ASXL3: variants seen among roughly 807,000 people sequenced by gnomAD.
ASXL3 encodes the protein ASXL transcriptional regulator 3, also known as putative Polycomb group protein ASXL3.
A neutral mutation model predicts 170.6 loss-of-function variants in ASXL3; 34 were observed. The observed-to-expected ratio is 0.20, with a 90% CI of 0.15 to 0.27. The LOEUF is 0.27. Among genes scored for constraint, ASXL3 ranks in the 10% least tolerant of loss-of-function variants. The pLI is 1.00. For synonymous variants in ASXL3, 1,002 were observed against 989.1 expected (o/e 1.01, Z -0.24); for missense variants, 2,592 against 2,695.3 (o/e 0.96, Z 0.85).
chr18:33,589,952 A>G (rs1054149846), intron 1 of ASXL3, among the ~76,000 whole-genome samples: 1 of 152,032 alleles, frequency 6.6e-6, no homozygotes, highest in Non-Finnish European at 1.5e-5. Flanking sequence ...TGAGATTTAG[A>G]GTGTGTATTA....
intron 8 of ASXL3, among the ~76,000 whole-genome samples, chr18:33,696,180 A>G (rs2066770533): frequency 6.6e-6 from 1 of 152,080 alleles, no homozygotes; most frequent in Non-Finnish European, 1.5e-5. Flanking sequence ...TTATGAAGTC[A>G]TTTTTACAAC....
chr18:33,709,805 C>T (rs538142964), intron 8 of ASXL3, among the ~76,000 whole-genome samples: 13 of 152,280 alleles, frequency 8.5e-5, no homozygotes, highest in Admixed American at 5.9e-4. Flanking sequence ...ACTATTCTTC[C>T]GCCCTAACTT....
chr18:33,689,561 G>A (rs1168147826), intron 8 of ASXL3, among the ~76,000 whole-genome samples: 1 of 152,108 alleles, frequency 6.6e-6, no homozygotes, highest in Admixed American at 6.6e-5. Context: ...ACTTTTGAAT[G>A]TTATAAACCA....
chr18:33,660,605 G>A (rs1422141734), intron 4 of ASXL3, among the ~76,000 whole-genome samples: 1 of 152,102 alleles, frequency 6.6e-6, no homozygotes, highest in African/African-American at 2.4e-5. Flanking sequence ...TTTACAATAT[G>A]TTCTCAAGTT....
intron 1 of ASXL3, among the ~76,000 whole-genome samples, chr18:33,582,825 A>G (rs1044008647): frequency 1.3e-5 from 2 of 151,946 alleles, no homozygotes; most frequent in Non-Finnish European, 2.9e-5. Context: ...CAGGCACATA[A>G]CCTTTTACGA....
chr18:33,656,343 G>A (rs2066084252), intron 4 of ASXL3, among the ~76,000 whole-genome samples: 1 of 152,074 alleles, frequency 6.6e-6, no homozygotes, highest in Non-Finnish European at 1.5e-5. Flanking sequence ...TTTGGAAAGA[G>A]AACTTACAGA....
At chr18:33,740,667 T>C (rs371977365) in intron 11 of ASXL3, among the ~76,000 whole-genome samples, 23 of 152,268 alleles carry the variant, frequency 1.5e-4, no homozygotes, top group Admixed American at 4.6e-4. Context: ...GGAAAAAGAA[T>C]TGAGAGAGAA....
chr18:33,732,560 G>C (rs944553243), intron 9 of ASXL3, among the ~76,000 whole-genome samples: 3 of 152,044 alleles, frequency 2.0e-5, no homozygotes, highest in Non-Finnish European at 4.4e-5. Flanking sequence ...ATTCCTCCTA[G>C]AGAAGAATAC....
intron 8 of ASXL3, among the ~76,000 whole-genome samples, chr18:33,699,154 A>G (rs973816141): frequency 6.6e-6 from 1 of 152,186 alleles, no homozygotes; most frequent in African/African-American, 2.4e-5. Context: ...AGAAATAAGA[A>G]AGAATGACTC....
chr18:33,618,518 T>C (rs2065463539), intron 2 of ASXL3, among the ~76,000 whole-genome samples: 1 of 152,146 alleles, frequency 6.6e-6, no homozygotes. Flanking sequence ...TTAAGTTAAT[T>C]AAATACCTAC....
At chr18:33,699,985 A>T (rs978334224) in intron 8 of ASXL3, among the ~76,000 whole-genome samples, 1 of 152,000 alleles carries the variant, frequency 6.6e-6, no homozygotes, top group Non-Finnish European at 1.5e-5. Flanking sequence ...CATTTCATTT[A>T]TTTGTTCAGG....
At chr18:33,620,770 G>A (rs1045702806) in intron 2 of ASXL3, among the ~76,000 whole-genome samples, 12 of 152,238 alleles carry the variant, frequency 7.9e-5, no homozygotes, top group Middle Eastern at 3.4e-3. Context: ...GTAACCTGGA[G>A]CAGATAATTA....
At chr18:33,590,521 G>T (rs901910168) in intron 1 of ASXL3, among the ~76,000 whole-genome samples, 1 of 152,164 alleles carries the variant, frequency 6.6e-6, no homozygotes, top group Non-Finnish European at 1.5e-5. Flanking sequence ...TATAGACGGT[G>T]AATTAACTTG....
rs199974440 is a variant in ASXL3, at chr18:33,739,861, T to C, written c.2457T>C (p.Ala819=). ...TCATAATGAGTTCTTCTTCCATTGC[T>C]CCTGAAGCATTTCCGTCTGAAGATT... ...EPIIMSSSSI[A]PEAFPSEDLH... The change falls in exon 11 of 12, where the codon GCT becomes GCC. Residue 819 remains alanine (A), a synonymous_variant. Transcript: ENST00000269197. 4.7e-3 allele frequency: 7,651 copies of C among 1,613,876 alleles called. 39 individuals carry two copies. Among genetic ancestry groups the C allele is most frequent in the Middle Eastern group, 7.9e-3 (48 of 6,062 alleles).
rs2067642512 is a variant in ASXL3, at chr18:33,740,395, T to C, written c.2991T>C (p.Pro997=). 4 of 1,603,762 alleles carry C rather than the reference T, an allele frequency of 2.5e-6. No individual in the cohort carries two copies. The African/African-American group carries it at 5.4e-5, about 22-fold the overall frequency. Reference sequence around the variant, plus strand: ...GGAACATATCATCTAGCAGCCCACCTGAGAAAGAACAGCCTCCCAGAGAGG... The same window carrying C: ...GGAACATATCATCTAGCAGCCCACCCGAGAAAGAACAGCCTCCCAGAGAGG... ...STRNISSSSP[P]EKEQPPREEP... The change falls in exon 11 of 12, where the codon CCT becomes CCC. Residue 997 remains proline, a synonymous_variant. Coordinates refer to ENST00000269197, the MANE Select transcript of ASXL3 (RefSeq NM_030632.3).
At chr18:33,724,150 T>C (rs1599545663) in intron 8 of ASXL3, among the ~76,000 whole-genome samples, 1 of 152,130 alleles carries the variant, frequency 6.6e-6, no homozygotes, top group South Asian at 2.1e-4. Flanking sequence ...CTTTGTGATA[T>C]GCCTGTATAA....
At chr18:33,609,118 A>G (rs954258439) in intron 2 of ASXL3, 7 of 950,598 alleles carry the variant, frequency 7.4e-6, no homozygotes, top group African/African-American at 5.3e-5. Flanking sequence ...AGGAGATCCT[A>G]TTTTAACCCG....
At chr18:33,667,324 A>G (rs1233402649) in intron 5 of ASXL3, among the ~76,000 whole-genome samples, 1 of 152,174 alleles carries the variant, frequency 6.6e-6, no homozygotes, top group Non-Finnish European at 1.5e-5. Context: ...ACCCTTTCCC[A>G]GTGAAATTTC....
chr18:33,683,651 T>C (rs2066549111), intron 8 of ASXL3, 83 bp downstream of exon 8: 2 of 1,298,470 alleles, frequency 1.5e-6, no homozygotes, highest in Non-Finnish European at 2.1e-6. Flanking sequence ...AGATGACTTA[T>C]ATATGGATAT....
Sources: gnomAD v4.1 joint callset for allele counts (sites outside exome capture counted in the v4.1 genomes callset) on GRCh38, gnomAD v4.1.1 for gene constraint, MANE v1.5 for transcripts, NCBI Gene and HGNC (gene_info 2026-07-23, HGNC 2026-07-21) for gene names.